The following DGKI variants were observed in gnomAD, a reference collection of about 807,000 sequenced individuals.
The protein encoded by DGKI is DAG kinase iota.
In DGKI, 55 loss-of-function variants were observed where a neutral mutation model predicts 147.5. The ratio of observed to expected loss-of-function variants is 0.37; its 90% confidence interval spans 0.30 to 0.47. The LOEUF is 0.47. Among genes scored for constraint, DGKI ranks in the 20% least tolerant of loss-of-function variants. The pLI, the probability that DGKI is intolerant of heterozygous loss-of-function variation, is 1.00. For missense variants in DGKI, 1,007 were observed against 1,323.8 expected (o/e 0.76, Z 3.71); for synonymous variants, 469 against 477.1 (o/e 0.98, Z 0.22).
chr7:137,778,542 AAGT>A (rs1796429855), intron 1 of DGKI, among the ~76,000 whole-genome samples: 1 of 152,090 alleles, frequency 6.6e-6, no homozygotes, highest in Admixed American at 6.5e-5. Flanking sequence ...GTTAATAGCA[AAGT>A]AGCTAGGTCA....
intron 8 of DGKI, among the ~76,000 whole-genome samples, chr7:137,612,975 T>C (rs892654398): frequency 6.6e-6 from 1 of 152,180 alleles, no homozygotes; most frequent in Non-Finnish European, 1.5e-5. Context: ...TGTTTTCCTG[T>C]ACTTCATACC....
intron 8 of DGKI, among the ~76,000 whole-genome samples, chr7:137,619,083 A>G (rs1386185627): frequency 6.6e-6 from 1 of 152,162 alleles, no homozygotes; most frequent in Non-Finnish European, 1.5e-5. Flanking sequence ...CCTGCACCCT[A>G]AGGGAGGTAT....
intron 30 of DGKI, among the ~76,000 whole-genome samples, chr7:137,404,809 G>T (rs1313776784): frequency 7.3e-6 from 1 of 136,652 alleles, no homozygotes; most frequent in Admixed American, 7.7e-5. Context: ...CCTTCCATTT[G>T]GGCGGAGTGG....
chr7:137,588,614 C>T (rs1465513243), intron 12 of DGKI, among the ~76,000 whole-genome samples: 3 of 151,930 alleles, frequency 2.0e-5, no homozygotes, highest in Non-Finnish European at 4.4e-5. Flanking sequence ...GTAGCCGGGA[C>T]TACAGGCGTA....
chr7:137,631,882 G>A (rs1443033680), intron 6 of DGKI, among the ~76,000 whole-genome samples: 1 of 152,162 alleles, frequency 6.6e-6, no homozygotes, highest in African/African-American at 2.4e-5. Context: ...ATCTGCCAGA[G>A]GCCCAAAGGA....
intron 17 of DGKI, among the ~76,000 whole-genome samples, chr7:137,575,797 A>G (rs1291715760): frequency 6.6e-6 from 1 of 152,232 alleles, no homozygotes; most frequent in Non-Finnish European, 1.5e-5. Flanking sequence ...ATGAGAACTG[A>G]AACATCTGAA....
At chr7:137,820,856 C>A (rs1797875299) in intron 1 of DGKI, among the ~76,000 whole-genome samples, 1 of 152,174 alleles carries the variant, frequency 6.6e-6, no homozygotes, top group Non-Finnish European at 1.5e-5. Context: ...GGGCCTCCCC[C>A]AGCCGGCATC....
chr7:137,651,854 A>AT, intron 5 of DGKI, among the ~76,000 whole-genome samples: 1 of 152,330 alleles, frequency 6.6e-6, no homozygotes, highest in East Asian at 1.9e-4. Flanking sequence ...TATCTTGAAT[A>AT]TTTTTGAGAG....
intron 18 of DGKI, among the ~76,000 whole-genome samples, chr7:137,572,212 CT>C (rs1818817517): frequency 6.6e-6 from 1 of 152,182 alleles, no homozygotes; most frequent in South Asian, 2.1e-4. Flanking sequence ...ATTTATGCCA[CT>C]GAGATAATAT....
intron 6 of DGKI, among the ~76,000 whole-genome samples, chr7:137,638,242 T>A (rs946030003): frequency 1.3e-5 from 2 of 152,008 alleles, no homozygotes; most frequent in African/African-American, 4.8e-5. Flanking sequence ...TCTCTGGACC[T>A]TTCTGTCCCT....
chr7:137,618,983 G>T (rs933349287), intron 8 of DGKI, among the ~76,000 whole-genome samples: 1 of 152,152 alleles, frequency 6.6e-6, no homozygotes. Context: ...GAGTCAATGA[G>T]AATGAATCAC....
At position 137,384,000 on chromosome 7, in the gene DGKI, GTAT is replaced by G. The variant is rs1029948248; in HGVS notation, c.*7217_*7219del. 1 of 151,974 alleles carries G rather than the reference GTAT, an allele frequency of 6.6e-6. No individual in the cohort carries two copies. The highest frequency in any genetic ancestry group is 2.4e-5 in the African/African-American group (1 of 41,398). 9.4% of individuals were successfully genotyped at this position (151,974 alleles called of 1,614,324 possible). ...AAATATGCCGGAATTTCCCATAGGTGTATTAAACCTCTATGTATATGACTATGT... is the reference window on the plus strand; with the variant it reads ...AAATATGCCGGAATTTCCCATAGGTGTAAACCTCTATGTATATGACTATGT... On this transcript the variant is annotated 3_prime_UTR_variant, in exon 33 of 33. Transcript: ENST00000614521.
Position 137,616,685 on chromosome 7 carries a change from C to T in DGKI, c.993+3139G>A, listed in dbSNP as rs563483512. ...AACATAGGAAGAAGAATGATGACAA[C>T]GTATTGGAAAAACACATAATACATA... On this transcript the variant is annotated intron_variant, in intron 8 of 32. Coordinates refer to ENST00000614521, the MANE Select transcript of DGKI (RefSeq NM_001321708.2). 2.7e-4 allele frequency among the ~76,000 whole-genome samples: 41 copies of T among 152,048 alleles called. 2 individuals are homozygous for T. In the South Asian group the frequency reaches 6.7e-3, roughly 25 times the overall value.
chr7:137,519,879 A>G (rs539174163), intron 21 of DGKI, among the ~76,000 whole-genome samples: 14 of 152,032 alleles, frequency 9.2e-5, no homozygotes, highest in Non-Finnish European at 1.9e-4. Flanking sequence ...TCAAATCCAA[A>G]TCATTGGAAT....
chr7:137,704,553 TA>T lies in DGKI; in HGVS notation c.402-14552del, dbSNP rs200033369. 4.4e-3 allele frequency among the ~76,000 whole-genome samples: 666 copies of T among 152,184 alleles called. 20 individuals carry two copies. In the East Asian group the frequency reaches 0.048, roughly 11 times the overall value. ...GTCAAGCATACCAGCATATTCATAA[TA>T]GATATTCCAGAAGAAAAAGGAAGAG... On this transcript the variant is annotated intron_variant, in intron 1 of 32. Transcript: ENST00000614521.
At chr7:137,585,130 T>A in intron 14 of DGKI, 79 bp downstream of exon 14, 1 of 1,535,636 alleles carries the variant, frequency 6.5e-7, no homozygotes, top group South Asian at 1.2e-5. Flanking sequence ...AGCACATGAC[T>A]CTCCAGCCAG....
chr7:137,414,159 T>A (rs528061656), intron 28 of DGKI, among the ~76,000 whole-genome samples: 1 of 152,304 alleles, frequency 6.6e-6, no homozygotes, highest in African/African-American at 2.4e-5. Context: ...ATATTGAGTA[T>A]GTATGAGTCC....
chr7:137,796,120 T>C (rs75309407), intron 1 of DGKI, among the ~76,000 whole-genome samples: 14,017 of 152,238 alleles, frequency 0.092, 746 homozygotes, highest in Admixed American at 0.13. Context: ...TAGGAAAGCA[T>C]GGTCCATACA....
At chr7:137,604,502 G>A (rs144013903) in intron 10 of DGKI, among the ~76,000 whole-genome samples, 2,359 of 152,208 alleles carry the variant, frequency 0.015, 77 homozygotes, top group African/African-American at 0.053. Flanking sequence ...ATTCCCAGAT[G>A]GTGGTGTAAA....
Sources: gnomAD v4.1 joint callset for allele counts (sites outside exome capture counted in the v4.1 genomes callset) on GRCh38, gnomAD v4.1.1 for gene constraint, MANE v1.5 for transcripts, NCBI Gene and HGNC (gene_info 2026-07-23, HGNC 2026-07-21) for gene names.